Variants in SEMA6D observed in about 807,000 individuals in gnomAD.
The protein encoded by SEMA6D is semaphorin-6D.
SEMA6D carries 35 observed loss-of-function variants against 106.6 expected under a neutral mutation model. That is an observed-to-expected ratio of 0.33 (90% CI 0.25 to 0.44). SEMA6D has a LOEUF of 0.44. Among genes scored for constraint, SEMA6D ranks in the 20% least tolerant of loss-of-function variants. The pLI, the probability that SEMA6D is intolerant of heterozygous loss-of-function variation, is 1.00. For missense variants in SEMA6D, 1,185 were observed against 1,345.9 expected (o/e 0.88, Z 1.87); for synonymous variants, 499 against 487.7 (o/e 1.02, Z -0.31).
chr15:47,465,942 A>T (rs1363234428), intron 2 of SEMA6D, among the ~76,000 whole-genome samples: 2 of 152,154 alleles, frequency 1.3e-5, no homozygotes, highest in East Asian at 3.9e-4. Context: ...TGCTTTTCTG[A>T]TATCAAAATG....
At chr15:47,631,202 T>C (rs1405976708) in intron 4 of SEMA6D, among the ~76,000 whole-genome samples, 1 of 151,902 alleles carries the variant, frequency 6.6e-6, no homozygotes, top group Non-Finnish European at 1.5e-5. Context: ...GGTATAATTC[T>C]ACAGTGATAA....
intron 4 of SEMA6D, among the ~76,000 whole-genome samples, chr15:47,696,848 A>T (rs960214314): frequency 1.3e-5 from 2 of 152,202 alleles, no homozygotes; most frequent in South Asian, 2.1e-4. Flanking sequence ...ATTTGAAGTT[A>T]TGTCTCATAG....
At chr15:47,310,590 TAAC>T (rs1566988972) in intron 1 of SEMA6D, among the ~76,000 whole-genome samples, 7 of 152,010 alleles carry the variant, frequency 4.6e-5, no homozygotes, top group Non-Finnish European at 8.8e-5. Flanking sequence ...ATGTTTTTTT[TAAC>T]TTAAACTTAA....
At chr15:47,198,613 A>T (rs1447146241) in intron 1 of SEMA6D, among the ~76,000 whole-genome samples, 1 of 152,154 alleles carries the variant, frequency 6.6e-6, no homozygotes, top group Non-Finnish European at 1.5e-5. Flanking sequence ...AATCTTTCAC[A>T]CCAAGGGTGG....
At chr15:47,207,990 C>G (rs981803173) in intron 1 of SEMA6D, among the ~76,000 whole-genome samples, 1 of 74,198 alleles carries the variant, frequency 1.3e-5, no homozygotes, top group Non-Finnish European at 2.7e-5. Context: ...CACTGGCGCG[C>G]GCGCACACAC....
Position 47,760,978 on chromosome 15 carries a change from G to A in SEMA6D, c.222G>A (p.Arg74=), listed in dbSNP as rs535377803. Residue 74 remains arginine (R), a splice_region_variant and synonymous_variant, in exon 4 of 19, where the codon AGG becomes AGA. Coordinates refer to ENST00000536845, the MANE Select transcript of SEMA6D (RefSeq NM_001358351.3). The stretch of plus-strand genomic sequence containing the variant: ...TGTTTTATTGCCTTATTTCCAACAG[G>A]GATCAAGTTTATACAGTAAACTTAA... ...KIRDTLYIAG[R]DQVYTVNLNE... is the part of the protein sequence containing the mutation. 5.9e-5 allele frequency: 95 copies of A among 1,611,892 alleles called. No individual in the cohort carries two copies. The highest frequency in any genetic ancestry group is 4.5e-4 in the South Asian group (41 of 90,660).
rs144320580 is a variant in SEMA6D at position 47,256,661 on chromosome 15, C to T, written c.-239+72243C>T. ...AGATCATGAAGTCAGGAGTTCGAGA[C>T]CAGCCTGACCAACATGGTGAAACCC... On this transcript the variant is annotated intron_variant, in intron 1 of 19. Coordinates refer to the SEMA6D transcript ENST00000558014. 6.2e-3 allele frequency among the ~76,000 whole-genome samples: 949 copies of T among 152,164 alleles called. 9 individuals are homozygous for T. Among genetic ancestry groups the T allele is most frequent in the African/African-American group, 0.022 (928 of 41,528 alleles).
intron 1 of SEMA6D, among the ~76,000 whole-genome samples, chr15:47,398,699 G>T (rs933514595): frequency 6.6e-6 from 1 of 152,176 alleles, no homozygotes; most frequent in Admixed American, 6.5e-5. Flanking sequence ...TAGGAGAAAG[G>T]AAGTGATATC....
At chr15:47,239,893 T>G (rs1453189235) in intron 1 of SEMA6D, among the ~76,000 whole-genome samples, 1 of 152,204 alleles carries the variant, frequency 6.6e-6, no homozygotes, top group African/African-American at 2.4e-5. Flanking sequence ...TCTACCCAAC[T>G]AAGCTTCAGT....
intron 4 of SEMA6D, among the ~76,000 whole-genome samples, chr15:47,698,874 C>G (rs970312942): frequency 2.0e-5 from 3 of 152,072 alleles, no homozygotes; most frequent in Non-Finnish European, 4.4e-5. Flanking sequence ...CAAACTAGAT[C>G]CCTAGACAGT....
chr15:47,365,888 GAGGAGA>G (rs1567029375), intron 1 of SEMA6D, among the ~76,000 whole-genome samples: 51 of 70,116 alleles, frequency 7.3e-4, no homozygotes, highest in Middle Eastern at 6.9e-3. Context: ...GAGAGAGAGA[GAGGAGA>G]GAGAGAGAGA....
At chr15:47,281,934 C>T (rs1257249628) in intron 1 of SEMA6D, among the ~76,000 whole-genome samples, 2 of 152,016 alleles carry the variant, frequency 1.3e-5, no homozygotes, top group Admixed American at 6.6e-5. Flanking sequence ...TAGGTTTACC[C>T]TAATTATAGA....
intron 7 of SEMA6D, among the ~76,000 whole-genome samples, 191 bp downstream of exon 7, chr15:47,761,942 G>A (rs533096929): frequency 3.9e-5 from 6 of 152,288 alleles, no homozygotes; most frequent in African/African-American, 1.4e-4. Context: ...CACACTATAA[G>A]TATTATGACA....
chr15:47,385,353 C>G (rs2039795912), intron 1 of SEMA6D, among the ~76,000 whole-genome samples: 1 of 152,136 alleles, frequency 6.6e-6, no homozygotes, highest in South Asian at 2.1e-4. Context: ...ACATTATGCT[C>G]TTTCATTGTA....
At chr15:47,335,992 T>A (rs1259028837) in intron 1 of SEMA6D, among the ~76,000 whole-genome samples, 1 of 152,084 alleles carries the variant, frequency 6.6e-6, no homozygotes, top group East Asian at 1.9e-4. Flanking sequence ...AAGGCAGAGA[T>A]TACAAAGAGA....
intron 3 of SEMA6D, among the ~76,000 whole-genome samples, chr15:47,506,599 A>AACACACACACACACTC (rs2044047104): frequency 1.5e-5 from 2 of 137,796 alleles, no homozygotes; most frequent in African/African-American, 5.6e-5. Flanking sequence ...CACACACACA[A>AACACACACACACACTC]ACACACACAC....
chr15:47,637,964 G>T (rs896878885), intron 4 of SEMA6D, among the ~76,000 whole-genome samples: 2 of 152,106 alleles, frequency 1.3e-5, no homozygotes, highest in Non-Finnish European at 2.9e-5. Context: ...GAGTAGAAAG[G>T]TTATGTTGCT....
chr15:47,582,688 G>A (rs375336664), intron 3 of SEMA6D, among the ~76,000 whole-genome samples: 103 of 152,204 alleles, frequency 6.8e-4, no homozygotes, highest in South Asian at 3.5e-3. Flanking sequence ...GGGAGGAGAC[G>A]GTGGGTGATG....
At chr15:47,674,453 C>G (rs869731) in intron 4 of SEMA6D, among the ~76,000 whole-genome samples, 1 of 152,006 alleles carries the variant, frequency 6.6e-6, no homozygotes, top group Non-Finnish European at 1.5e-5. Context: ...TGATCCATGT[C>G]GAAAACATTG....
Sources: allele counts gnomAD v4.1 joint callset (sites outside exome capture counted in the v4.1 genomes callset), GRCh38; gene constraint gnomAD v4.1.1; transcripts MANE v1.5; gene names NCBI Gene and HGNC (gene_info 2026-07-23, HGNC 2026-07-21).